The following SPAG16 variants were observed in gnomAD, a reference collection of about 807,000 sequenced individuals.
SPAG16 encodes the protein sperm-associated antigen 16 protein.
Under a neutral mutation model 80.4 loss-of-function variants are expected in SPAG16, and 86 were observed. That is an observed-to-expected ratio of 1.07 (90% CI 0.90 to 1.28). The LOEUF (loss-of-function observed/expected upper bound fraction) is 1.28, where lower values mean the gene tolerates loss of function less well. SPAG16 is among the 50% of genes most tolerant of loss of function. SPAG16 has a pLI of 0.00. For synonymous variants in SPAG16, 294 were observed against 265.9 expected, an observed-to-expected ratio of 1.11 and a Z score of -1.03; for missense variants, 870 against 765.3, an observed-to-expected ratio of 1.14 and a Z score of -1.61.
chr2:213,931,242 T>C (rs1052743303), intron 12 of SPAG16, among the ~76,000 whole-genome samples: 1 of 152,202 alleles, frequency 6.6e-6, no homozygotes, highest in Non-Finnish European at 1.5e-5. Context: ...ATAAGGAGCA[T>C]AACCCACCTG....
chr2:214,267,754 A>G (rs1054172632), intron 15 of SPAG16, among the ~76,000 whole-genome samples: 2 of 151,884 alleles, frequency 1.3e-5, no homozygotes, highest in African/African-American at 4.8e-5. Flanking sequence ...ATTCAATGCA[A>G]TATCTATCAA....
intron 10 of SPAG16, among the ~76,000 whole-genome samples, chr2:213,653,015 A>G (rs568101841): frequency 1.3e-5 from 2 of 152,210 alleles, no homozygotes; most frequent in Non-Finnish European, 2.9e-5. Flanking sequence ...CCATCTTTTG[A>G]CAACTTCTAT....
intron 15 of SPAG16, among the ~76,000 whole-genome samples, chr2:214,261,485 G>A: frequency 6.6e-6 from 1 of 152,168 alleles, no homozygotes; most frequent in Admixed American, 6.6e-5. Flanking sequence ...CTTTCTGAAA[G>A]TGTGGATGTG....
chr2:213,324,202 A>G (rs112659291), intron 5 of SPAG16, among the ~76,000 whole-genome samples: 23 of 152,266 alleles, frequency 1.5e-4, no homozygotes, highest in African/African-American at 5.5e-4. Flanking sequence ...TCAACACTCT[A>G]CTTTTGTCAT....
intron 10 of SPAG16, among the ~76,000 whole-genome samples, chr2:213,647,159 G>T (rs921504207): frequency 6.6e-6 from 1 of 152,176 alleles, no homozygotes; most frequent in Non-Finnish European, 1.5e-5. Flanking sequence ...TTAATGATTG[G>T]TGAGATTCTA....
At chr2:213,423,964 T>C (rs1427804254) in intron 9 of SPAG16, among the ~76,000 whole-genome samples, 5 of 152,232 alleles carry the variant, frequency 3.3e-5, no homozygotes, top group Non-Finnish European at 5.9e-5. Flanking sequence ...AGAGTACATT[T>C]CCTACATTCA....
chr2:213,393,228 T>C (rs1219410991), intron 9 of SPAG16, among the ~76,000 whole-genome samples: 1 of 151,966 alleles, frequency 6.6e-6, no homozygotes, highest in African/African-American at 2.4e-5. Flanking sequence ...TTTACAACAT[T>C]TTGAAAACTT....
chr2:213,574,465 C>G (rs1053258969), intron 10 of SPAG16, among the ~76,000 whole-genome samples: 2 of 152,046 alleles, frequency 1.3e-5, no homozygotes, highest in Non-Finnish European at 2.9e-5. Flanking sequence ...AGGAGCTAAA[C>G]ATGGTGTTGG....
At chr2:214,015,498 T>TG (rs201892143) in intron 13 of SPAG16, among the ~76,000 whole-genome samples, 1,706 of 151,674 alleles carry the variant, frequency 0.011, 28 homozygotes, top group African/African-American at 0.039. Flanking sequence ...CTTGGGAGGC[T>TG]GAGGCAGGAG....
At chr2:214,210,805 T>A (rs1216231508) in intron 15 of SPAG16, among the ~76,000 whole-genome samples, 1 of 151,670 alleles carries the variant, frequency 6.6e-6, no homozygotes, top group Admixed American at 6.6e-5. Flanking sequence ...CAATTTGGAA[T>A]TAAGCAAAAA....
intron 15 of SPAG16, among the ~76,000 whole-genome samples, chr2:214,340,546 G>GC (rs1306681989): frequency 1.3e-5 from 2 of 152,190 alleles, no homozygotes; most frequent in African/African-American, 2.4e-5. Flanking sequence ...CCAGTGCCCT[G>GC]CCCCAGAGCA....
At chr2:213,662,156 AGGTGAGG>A (rs1273233035) in intron 10 of SPAG16, among the ~76,000 whole-genome samples, 1 of 148,752 alleles carries the variant, frequency 6.7e-6, no homozygotes, top group Non-Finnish European at 1.5e-5. Flanking sequence ...TTGTGGGGAA[AGGTGAGG>A]GGTGAGGGGG....
chr2:213,958,645 C>T (rs965326296), intron 12 of SPAG16, among the ~76,000 whole-genome samples: 1 of 152,030 alleles, frequency 6.6e-6, no homozygotes, highest in Non-Finnish European at 1.5e-5. Context: ...AAAACATAAA[C>T]TAACAATTAT....
chr2:214,115,292 C>T (rs1163153821), intron 14 of SPAG16, among the ~76,000 whole-genome samples: 1 of 152,148 alleles, frequency 6.6e-6, no homozygotes, highest in Non-Finnish European at 1.5e-5. Flanking sequence ...AGTTCATATT[C>T]AAACAAACTA....
rs1491308938 is a variant in SPAG16, at chr2:213,387,429, C to CTTTTTTTTTTTT, written c.942+12311_942+12312insTTTTTTTTTTTT. Among the ~76,000 whole-genome samples, 25 of 71,760 alleles carry CTTTTTTTTTTTT rather than the reference C, an allele frequency of 3.5e-4. 6 individuals carry two copies. The highest frequency in any genetic ancestry group is 4.5e-4 in the Non-Finnish European group (19 of 41,902). The allele number at this position is 71,760 out of a possible 152,430, so 47.1% of individuals were successfully genotyped here. A position where few individuals can be genotyped will look rare whatever the true frequency, so the allele number is the denominator to read the frequency against. On this transcript the variant is annotated intron_variant, in intron 9 of 15. Transcript: ENST00000331683. The stretch of plus-strand genomic sequence containing the variant: ...TTTTTGGGTTGGAATGAAATGCATG[C>CTTTTTTTTTTTT]TCTTTTTTTTTTTTTTTTTTTTTTT...
chr2:213,850,948 A>G (rs2105908260), intron 10 of SPAG16, among the ~76,000 whole-genome samples: 1 of 152,212 alleles, frequency 6.6e-6, no homozygotes, highest in East Asian at 1.9e-4. Context: ...TCTTATTAGT[A>G]TATTTAAAAG....
At chr2:214,128,519 T>C (rs1239956025) in intron 14 of SPAG16, among the ~76,000 whole-genome samples, 1 of 151,828 alleles carries the variant, frequency 6.6e-6, no homozygotes, top group Admixed American at 6.7e-5. Flanking sequence ...AGTTCCAAGA[T>C]TGCTGTGCCA....
chr2:214,406,168 G>T (rs1701989597), intron 15 of SPAG16, among the ~76,000 whole-genome samples: 1 of 152,150 alleles, frequency 6.6e-6, no homozygotes, highest in Non-Finnish European at 1.5e-5. Flanking sequence ...TTGGCTACAT[G>T]AGAAGGAAAG....
chr2:213,996,871 C>G (rs938093128), intron 12 of SPAG16, among the ~76,000 whole-genome samples: 1 of 152,088 alleles, frequency 6.6e-6, no homozygotes, highest in African/African-American at 2.4e-5. Flanking sequence ...CCCGGCCCTA[C>G]TAATGCTATT....
Sources: allele counts gnomAD v4.1 joint callset (sites outside exome capture counted in the v4.1 genomes callset), GRCh38; gene constraint gnomAD v4.1.1; transcripts MANE v1.5; gene names NCBI Gene and HGNC (gene_info 2026-07-23, HGNC 2026-07-21).